PPP3CA: variants seen among roughly 807,000 people sequenced by gnomAD.
PPP3CA encodes the protein protein phosphatase 3 catalytic subunit alpha, also known as CAM-PRP catalytic subunit.
PPP3CA carries 14 observed loss-of-function variants against 66.5 expected under a neutral mutation model. The observed-to-expected ratio is 0.21, with a 90% CI of 0.14 to 0.33. PPP3CA has a LOEUF of 0.33. Among genes scored for constraint, PPP3CA ranks in the 10% least tolerant of loss-of-function variants. The pLI is 1.00. For synonymous variants in PPP3CA, 232 were observed against 226.2 expected, an observed-to-expected ratio of 1.03 and a Z score of -0.23; for missense variants, 317 against 639.5, an observed-to-expected ratio of 0.50 and a Z score of 5.44.
At chr4:101,281,772 A>G (rs948676244) in intron 1 of PPP3CA, among the ~76,000 whole-genome samples, 1 of 152,236 alleles carries the variant, frequency 6.6e-6, no homozygotes, top group Non-Finnish European at 1.5e-5. Context: ...AGGTTCTTCC[A>G]TAATTTCATT....
Position 101,345,039 on chromosome 4 carries a change from G to A in PPP3CA, c.58+1700C>T, listed in dbSNP as rs553944016. On this transcript the variant is annotated intron_variant, in intron 1 of 13. Coordinates refer to ENST00000394854, the MANE Select transcript of PPP3CA (RefSeq NM_000944.5). ...ACAGCTCTCTCAAATAAATGTGAATGGACTGTTTCCATGAAAATCCATGCC... is the reference window on the plus strand; with the variant it reads ...ACAGCTCTCTCAAATAAATGTGAATAGACTGTTTCCATGAAAATCCATGCC... Among the ~76,000 whole-genome samples the A allele has an allele frequency of 5.3e-5, 8 of 152,232 alleles. No individual in the cohort carries two copies. The East Asian group carries it at 1.5e-3, about 29-fold the overall frequency.
At chr4:101,028,888 C>T (rs575805351) in intron 13 of PPP3CA, among the ~76,000 whole-genome samples, 1 of 152,188 alleles carries the variant, frequency 6.6e-6, no homozygotes, top group Admixed American at 6.5e-5. Flanking sequence ...GCCATAACCC[C>T]CACCCCACAT....
intron 1 of PPP3CA, among the ~76,000 whole-genome samples, chr4:101,206,523 G>C (rs192208290): frequency 1.3e-5 from 2 of 152,272 alleles, no homozygotes; most frequent in South Asian, 2.1e-4. Flanking sequence ...AAACTTTCAA[G>C]TAATTAAGGA....
intron 8 of PPP3CA, 27 bp from the exon 9 acceptor site, chr4:101,063,384 G>A (rs755209181): frequency 1.3e-6 from 2 of 1,595,630 alleles, no homozygotes; most frequent in Non-Finnish European, 1.7e-6. Context: ...GAGGATGTTA[G>A]GAACACAGAA....
At chr4:101,282,921 T>C (rs1727731684) in intron 1 of PPP3CA, among the ~76,000 whole-genome samples, 1 of 152,220 alleles carries the variant, frequency 6.6e-6, no homozygotes, top group Non-Finnish European at 1.5e-5. Flanking sequence ...GTAAATGCCT[T>C]TCTTTTCTAT....
chr4:101,055,233 T>A (rs1483010795), intron 10 of PPP3CA, among the ~76,000 whole-genome samples: 11 of 152,142 alleles, frequency 7.2e-5, no homozygotes, highest in Admixed American at 6.5e-4. Flanking sequence ...GAAACTCTTG[T>A]AATGAAGGTT....
chr4:101,257,063 A>G (rs551828037), intron 1 of PPP3CA, among the ~76,000 whole-genome samples: 3 of 152,084 alleles, frequency 2.0e-5, no homozygotes, highest in Admixed American at 1.3e-4. Flanking sequence ...TAGTTCTGCT[A>G]TGTGACCTTG....
At position 101,252,237 on chromosome 4, in the gene PPP3CA, T is replaced by C. The variant is rs1040644915; in HGVS notation, c.59-56121A>G. ...TGTCCTTAGCCAAAATGTCATACTG[T>C]CCCCATATTACCAGCACAATGACAT... On this transcript the variant is annotated intron_variant, in intron 1 of 13. Transcript: ENST00000394854. Among the ~76,000 whole-genome samples, 7 of 152,228 alleles carry C rather than the reference T, an allele frequency of 4.6e-5. No homozygotes were observed. In the South Asian group the frequency reaches 1.2e-3, roughly 27 times the overall value.
chr4:101,124,721 GAAAGAGAAAGAAAGAAAGAAAGAA>G (rs1560614411), intron 2 of PPP3CA, among the ~76,000 whole-genome samples: 72 of 70,514 alleles, frequency 1.0e-3, no homozygotes, highest in African/African-American at 1.9e-3. Context: ...AAGAAAGAAA[GAAAGAGAAAGAAAGAAAGAAAGAA>G]AGAAAGAAAG....
At chr4:101,300,723 A>T (rs1233062631) in intron 1 of PPP3CA, among the ~76,000 whole-genome samples, 2 of 152,160 alleles carry the variant, frequency 1.3e-5, no homozygotes, top group African/African-American at 4.8e-5. Context: ...CTCTGCCGGG[A>T]GGCAGAGGTT....
intron 1 of PPP3CA, among the ~76,000 whole-genome samples, chr4:101,251,245 T>C (rs1726667903): frequency 6.6e-6 from 1 of 152,116 alleles, no homozygotes; most frequent in African/African-American, 2.4e-5. Context: ...GTTTCATTTA[T>C]TAGAAAAAAA....
At chr4:101,284,474 A>G (rs1047759170) in intron 1 of PPP3CA, among the ~76,000 whole-genome samples, 9 of 152,176 alleles carry the variant, frequency 5.9e-5, no homozygotes, top group African/African-American at 2.2e-4. Flanking sequence ...GTTTCTGAAC[A>G]GTACTTAAAT....
chr4:101,152,219 A>C (rs955962822), intron 2 of PPP3CA, among the ~76,000 whole-genome samples: 1 of 152,230 alleles, frequency 6.6e-6, no homozygotes, highest in African/African-American at 2.4e-5. Flanking sequence ...ATTAATGATT[A>C]GATAGACATA....
chr4:101,071,207 G>C (rs543856051), intron 8 of PPP3CA, among the ~76,000 whole-genome samples: 1 of 152,158 alleles, frequency 6.6e-6, no homozygotes, highest in Non-Finnish European at 1.5e-5. Context: ...CTACACATTC[G>C]TAGAAGACCC....
chr4:101,313,389 TAG>T (rs1429608748), intron 1 of PPP3CA, among the ~76,000 whole-genome samples: 4 of 152,192 alleles, frequency 2.6e-5, no homozygotes, highest in Non-Finnish European at 5.9e-5. Flanking sequence ...TTAAAACAAG[TAG>T]AGAGTCATCT....
intron 1 of PPP3CA, among the ~76,000 whole-genome samples, chr4:101,270,327 C>CT (rs1727298432): frequency 6.6e-6 from 1 of 152,076 alleles, no homozygotes; most frequent in Non-Finnish European, 1.5e-5. Context: ...ATCTATTACT[C>CT]TATCACAAGG....
chr4:101,127,689 G>T (rs1722289913), intron 2 of PPP3CA, among the ~76,000 whole-genome samples: 1 of 150,766 alleles, frequency 6.6e-6, no homozygotes, highest in African/African-American at 2.4e-5. Flanking sequence ...CCAGCCCTAA[G>T]AAACAAATAC....
At chr4:101,032,669 CAA>C (rs1727032215) in intron 11 of PPP3CA, among the ~76,000 whole-genome samples, 1 of 151,954 alleles carries the variant, frequency 6.6e-6, no homozygotes, top group Admixed American at 6.6e-5. Flanking sequence ...CATCTCAATA[CAA>C]AGTGTTTGTT....
At chr4:101,081,094 C>T (rs1013217000) in intron 7 of PPP3CA, among the ~76,000 whole-genome samples, 2 of 152,054 alleles carry the variant, frequency 1.3e-5, no homozygotes, top group African/African-American at 4.8e-5. Context: ...TTCTGTAAAG[C>T]ATTTTGCCTA....
Sources: allele counts gnomAD v4.1 joint callset (sites outside exome capture counted in the v4.1 genomes callset), GRCh38; gene constraint gnomAD v4.1.1; transcripts MANE v1.5; gene names NCBI Gene and HGNC (gene_info 2026-07-23, HGNC 2026-07-21).